Variants in PPP2R5E observed in about 807,000 individuals in gnomAD.
PPP2R5E encodes protein phosphatase 2 regulatory subunit B'epsilon.
Under a neutral mutation model 65.3 loss-of-function variants are expected in PPP2R5E, and 4 were observed. That is an observed-to-expected ratio of 0.06 (90% CI 0.03 to 0.14). The LOEUF is 0.14. PPP2R5E is among the 10% of genes least tolerant of loss of function. The probability of loss-of-function intolerance (pLI) is 1.00; values close to 1 mark genes in which losing one functional copy is unlikely to be tolerated. For synonymous variants in PPP2R5E, 183 were observed against 187.4 expected (o/e 0.98, Z 0.19); for missense variants, 274 against 556.1 (o/e 0.49, Z 5.10).
intron 2 of PPP2R5E, among the ~76,000 whole-genome samples, chr14:63,490,342 T>C (rs1454166077): frequency 1.3e-5 from 2 of 151,906 alleles, no homozygotes; most frequent in East Asian, 3.8e-4. Flanking sequence ...GAATAAAACG[T>C]AGGAAATATC....
chr14:63,415,131 T>G lies in PPP2R5E; in HGVS notation c.549+9A>C. 2.0e-6 allele frequency: 3 copies of G among 1,534,084 alleles called. No individual in the cohort carries two copies. The highest frequency in any genetic ancestry group is 2.7e-6 in the Non-Finnish European group (3 of 1,108,900). On this transcript the variant is annotated intron_variant, in intron 5 of 13. Transcript: ENST00000337537. ...TGACAAATACACACAACCACAATAA[T>G]TTGCTTACCTGTAATACAAATTTCT...
intron 2 of PPP2R5E, among the ~76,000 whole-genome samples, chr14:63,483,246 G>A (rs866232208): frequency 2.6e-5 from 4 of 152,080 alleles, no homozygotes; most frequent in Non-Finnish European, 5.9e-5. Context: ...ACATGGGGAG[G>A]GGGGGTCACA....
intron 2 of PPP2R5E, chr14:63,508,230 C>T: frequency 1.0e-6 from 1 of 985,484 alleles, no homozygotes; most frequent in Non-Finnish European, 1.2e-6. Flanking sequence ...ACTATGCACA[C>T]AAATGCTTTC....
intron 3 of PPP2R5E, among the ~76,000 whole-genome samples, chr14:63,437,753 T>C (rs1888015082): frequency 6.6e-6 from 1 of 152,220 alleles, no homozygotes; most frequent in Non-Finnish European, 1.5e-5. Flanking sequence ...CCTACCTTTC[T>C]GAAAAGTATA....
At chr14:63,432,427 T>A (rs1340212835) in intron 3 of PPP2R5E, among the ~76,000 whole-genome samples, 1 of 152,132 alleles carries the variant, frequency 6.6e-6, no homozygotes, top group Admixed American at 6.5e-5. Flanking sequence ...CACTGCCAAC[T>A]GTATGAAAGA....
chr14:63,427,350 T>C (rs1469636652), intron 3 of PPP2R5E, among the ~76,000 whole-genome samples: 1 of 152,154 alleles, frequency 6.6e-6, no homozygotes, highest in Non-Finnish European at 1.5e-5. Context: ...GTATATTAGA[T>C]ACATTTATTT....
At chr14:63,391,790 G>C in intron 10 of PPP2R5E, 27 bp downstream of exon 10, 1 of 1,604,894 alleles carries the variant, frequency 6.2e-7, no homozygotes, top group Admixed American at 1.7e-5. Context: ...AGTAAGCTAT[G>C]AACACTCTCT....
intron 2 of PPP2R5E, among the ~76,000 whole-genome samples, chr14:63,533,320 G>T (rs1182418826): frequency 1.3e-5 from 2 of 152,152 alleles, no homozygotes; most frequent in African/African-American, 4.8e-5. Flanking sequence ...CCAGCACTTT[G>T]GGAAGCCGAG....
intron 2 of PPP2R5E, among the ~76,000 whole-genome samples, chr14:63,517,544 G>A (rs931345112): frequency 6.6e-6 from 1 of 152,174 alleles, no homozygotes; most frequent in Non-Finnish European, 1.5e-5. Flanking sequence ...CATGGATGAT[G>A]CTTTCTTCCT....
chr14:63,415,314 A>G, intron 4 of PPP2R5E, 82 bp from the exon 5 acceptor site: 1 of 918,936 alleles, frequency 1.1e-6, no homozygotes, highest in Non-Finnish European at 1.6e-6. Flanking sequence ...CTGTAACACT[A>G]AAAGTGACAG....
At chr14:63,461,633 C>T (rs915387958) in intron 2 of PPP2R5E, among the ~76,000 whole-genome samples, 1 of 97,518 alleles carries the variant, frequency 1.0e-5, no homozygotes, top group African/African-American at 5.9e-5. Context: ...CGCGTCTCTA[C>T]AAAATTTAAA....
chr14:63,473,095 G>A (rs1048735572), intron 2 of PPP2R5E, among the ~76,000 whole-genome samples: 5 of 152,150 alleles, frequency 3.3e-5, no homozygotes, highest in Non-Finnish European at 7.4e-5. Context: ...ATAACAGAAA[G>A]GAAAGATAGT....
chr14:63,381,990 A>G, intron 13 of PPP2R5E, 66 bp downstream of exon 13: 2 of 1,329,918 alleles, frequency 1.5e-6, no homozygotes, highest in African/African-American at 1.5e-5. Flanking sequence ...AGGCAACTTC[A>G]GCAAAGAGCA....
chr14:63,395,349 A>AGAGGAGGAG, intron 6 of PPP2R5E, 64 bp from the exon 7 acceptor site: 1 of 1,021,614 alleles, frequency 9.8e-7, no homozygotes, highest in Non-Finnish European at 1.4e-6. Context: ...AGGGATAAAA[A>AGAGGAGGAG]GAGGAGGAGG....
intron 5 of PPP2R5E, among the ~76,000 whole-genome samples, chr14:63,407,895 G>A (rs149196125): frequency 1.3e-5 from 2 of 152,274 alleles, no homozygotes; most frequent in Non-Finnish European, 2.9e-5. Context: ...GATGACACTC[G>A]TTAGATGCCA....
At chr14:63,455,712 T>C (rs1889084672) in intron 2 of PPP2R5E, among the ~76,000 whole-genome samples, 1 of 152,180 alleles carries the variant, frequency 6.6e-6, no homozygotes, top group Non-Finnish European at 1.5e-5. Flanking sequence ...CCTTAACCAA[T>C]GACTAATTCA....
rs1479844107 is a variant in PPP2R5E, at chr14:63,503,825, A to C, written c.157+35704T>G. ...GTTCCGATGGCAAGATGTGAGGAAA[A>C]CCATTTGGAAAAAATCCCAATCAGT... On this transcript the variant is annotated intron_variant, in intron 2 of 13. Transcript: ENST00000337537. Among the ~76,000 whole-genome samples, 3 of 152,140 alleles carry C rather than the reference A, an allele frequency of 2.0e-5. No individual in the cohort carries two copies. The East Asian group carries it at 5.8e-4, about 29-fold the overall frequency.
intron 3 of PPP2R5E, among the ~76,000 whole-genome samples, chr14:63,431,580 G>T (rs1183678065): frequency 1.3e-5 from 2 of 152,098 alleles, no homozygotes; most frequent in Admixed American, 1.3e-4. Flanking sequence ...TAACAAGTAG[G>T]TATGATCAAG....
intron 2 of PPP2R5E, among the ~76,000 whole-genome samples, chr14:63,463,872 A>C (rs1484630830): frequency 6.6e-6 from 1 of 152,224 alleles, no homozygotes; most frequent in Non-Finnish European, 1.5e-5. Flanking sequence ...CTGGGATTAC[A>C]GGCGTGAGCC....
Sources: gnomAD v4.1 joint callset for allele counts (sites outside exome capture counted in the v4.1 genomes callset) on GRCh38, gnomAD v4.1.1 for gene constraint, MANE v1.5 for transcripts, NCBI Gene and HGNC (gene_info 2026-07-23, HGNC 2026-07-21) for gene names.